The following ZNF626 variants were observed in gnomAD, a reference collection of about 807,000 sequenced individuals.
ZNF626 encodes zinc finger protein 626, also known as CTC-513N18.7.
In ZNF626, 4 loss-of-function variants were observed where a neutral mutation model predicts 11.7. The observed-to-expected ratio is 0.34, with a 90% CI of 0.17 to 0.78. The LOEUF (loss-of-function observed/expected upper bound fraction) is 0.78, where lower values mean the gene tolerates loss of function less well. Among genes scored for constraint, ZNF626 ranks in the 30% least tolerant of loss-of-function variants. ZNF626 has a pLI of 0.57. For synonymous variants in ZNF626, 179 were observed against 198.6 expected, an observed-to-expected ratio of 0.90 and a Z score of 0.83; for missense variants, 588 against 587.1, an observed-to-expected ratio of 1.00 and a Z score of -0.01.
rs909138387 is a variant in ZNF626 at position 20,647,231 on chromosome 19, A to G, written c.4-826T>C. 2.6e-5 allele frequency among the ~76,000 whole-genome samples: 4 copies of G among 152,266 alleles called. 1 individual carries two copies. The South Asian group carries it at 8.3e-4, about 32-fold the overall frequency. On this transcript the variant is annotated intron_variant, in intron 1 of 3. Transcript: ENST00000601440. ...TTTTGTCAAACATTTAGTAAGTGGA[A>G]CAGCCTGTGTTTTTCCCACTTTTTC... is the stretch of plus-strand genomic sequence containing the variant.
At chr19:20,647,781 C>T (rs1005992277) in intron 1 of ZNF626, among the ~76,000 whole-genome samples, 13 of 151,990 alleles carry the variant, frequency 8.6e-5, no homozygotes, top group Admixed American at 2.0e-4. Context: ...CCACTGCGCC[C>T]GGCCTAGGAC....
At chr19:20,626,364 A>T (rs1329020121) in intron 3 of ZNF626, among the ~76,000 whole-genome samples, 1 of 152,240 alleles carries the variant, frequency 6.6e-6, no homozygotes, top group East Asian at 1.9e-4. Flanking sequence ...ATCCCATCAA[A>T]AAGTTATAAA....
chr19:20,633,962 AAG>A (rs1178237549), intron 3 of ZNF626, among the ~76,000 whole-genome samples: 2 of 152,124 alleles, frequency 1.3e-5, no homozygotes, highest in Non-Finnish European at 2.9e-5. Context: ...TTATCAAAAC[AAG>A]AGGAGAAGGG....
intron 1 of ZNF626, among the ~76,000 whole-genome samples, chr19:20,658,127 C>A (rs1970225120): frequency 6.6e-6 from 1 of 152,108 alleles, no homozygotes; most frequent in Admixed American, 6.5e-5. Context: ...AAAAAAAATC[C>A]CTGCGTGGGA....
intron 3 of ZNF626, among the ~76,000 whole-genome samples, chr19:20,643,247 C>T (rs2093406842): frequency 6.6e-6 from 1 of 151,868 alleles, no homozygotes; most frequent in Admixed American, 6.6e-5. Context: ...AACGAAACTG[C>T]TGTATTCTAA....
chr19:20,623,848 C>T lies in ZNF626; in HGVS notation c.*442G>A. The T allele has an allele frequency of 6.6e-6, 2 of 304,422 alleles. No individual in the cohort carries two copies. Among genetic ancestry groups the T allele is most frequent in the South Asian group, 3.3e-5 (1 of 30,628 alleles). 18.9% of individuals were successfully genotyped at this position (304,422 alleles called of 1,614,324 possible). A position where few individuals can be genotyped will look rare whatever the true frequency, so the allele number is the denominator to read the frequency against. ...AACTTGTTATATGCTTTGCCACATT[C>T]TTCACACTTGTAGGGTTTCTTTCCA... is the stretch of plus-strand genomic sequence containing the variant. On this transcript the variant is annotated 3_prime_UTR_variant, in exon 4 of 4. Transcript: ENST00000601440.
chr19:20,653,713 TAA>T (rs1970174221), intron 1 of ZNF626, among the ~76,000 whole-genome samples: 1 of 151,724 alleles, frequency 6.6e-6, no homozygotes, highest in Non-Finnish European at 1.5e-5. Context: ...AAGAATTTTA[TAA>T]AGTTTCATTT....
intron 2 of ZNF626, 128 bp from the exon 3 acceptor site, chr19:20,645,907 A>C: frequency 1.5e-6 from 1 of 673,388 alleles, no homozygotes; most frequent in Non-Finnish European, 2.2e-6. Flanking sequence ...AAGTTGTAAC[A>C]GAAATTTTTA....
intron 3 of ZNF626, among the ~76,000 whole-genome samples, chr19:20,626,512 A>G (rs1049923243): frequency 9.2e-5 from 14 of 152,130 alleles, no homozygotes; most frequent in African/African-American, 2.2e-4. Context: ...TTAGGTGAGA[A>G]TTTGAGACCA....
chr19:20,646,176 A>T (rs1970074932), intron 2 of ZNF626, 103 bp downstream of exon 2: 2 of 1,292,276 alleles, frequency 1.5e-6, no homozygotes, highest in African/African-American at 3.1e-5. Flanking sequence ...GAAAATGGGG[A>T]TCTGAAACTC....
At chr19:20,626,956 T>C (rs1212705589) in intron 3 of ZNF626, among the ~76,000 whole-genome samples, 3 of 151,894 alleles carry the variant, frequency 2.0e-5, no homozygotes, top group Non-Finnish European at 2.9e-5. Context: ...CAGAGGTAGC[T>C]ATGAGCTGAG....
Position 20,624,812 on chromosome 19 carries a change from G to T in ZNF626, c.1065C>A (p.Thr355=), listed in dbSNP as rs1969804116. The change falls in exon 4 of 4, where the codon ACC becomes ACA. Residue 355 remains threonine, a synonymous_variant. Transcript: ENST00000601440. ...TATGAATTCTCTTATGTGTAGTAAG[G>T]GTAGAGGAGTACTTAAAGGCTTTGC... ...ECGKAFKYSS[T]LTTHKRIHTG... is the part of the protein sequence containing the mutation. The T allele has an allele frequency of 6.2e-7, 1 of 1,612,918 alleles. No homozygotes were observed. Among genetic ancestry groups the T allele is most frequent in the South Asian group, 1.1e-5 (1 of 90,996 alleles).
chr19:20,623,037 C>A lies in ZNF626; in HGVS notation c.*1253G>T, dbSNP rs1216401671. On this transcript the variant is annotated 3_prime_UTR_variant, in exon 4 of 4. Coordinates refer to ENST00000601440, the MANE Select transcript of ZNF626 (RefSeq NM_001076675.3). ...GTACAAAATGTGTGTAATAAACCTCCTGTATATTTGTAATGGTTGTCTTCA... is the reference window on the plus strand; with the variant it reads ...GTACAAAATGTGTGTAATAAACCTCATGTATATTTGTAATGGTTGTCTTCA... 6.6e-6 allele frequency: 1 copy of A among 152,050 alleles called. No homozygotes were observed. Among genetic ancestry groups the A allele is most frequent in the Non-Finnish European group, 1.5e-5 (1 of 67,974 alleles). The allele number at this position is 152,050 out of a possible 1,614,324, so 9.4% of individuals were successfully genotyped here. A position where few individuals can be genotyped will look rare whatever the true frequency, so the allele number is the denominator to read the frequency against.
intron 3 of ZNF626, among the ~76,000 whole-genome samples, chr19:20,641,348 T>C (rs191578419): frequency 5.2e-4 from 79 of 152,304 alleles, no homozygotes; most frequent in African/African-American, 1.7e-3. Flanking sequence ...ACATTGAGAA[T>C]ATTATGTCAC....
At chr19:20,630,421 G>T (rs201747466) in intron 3 of ZNF626, among the ~76,000 whole-genome samples, 45,790 of 151,438 alleles carry the variant, frequency 0.3, 7,741 homozygotes, top group African/African-American at 0.44. Flanking sequence ...AACTTTTTTT[G>T]ATTGGTAAGC....
chr19:20,626,364 A>C (rs1329020121), intron 3 of ZNF626, among the ~76,000 whole-genome samples: 1 of 152,240 alleles, frequency 6.6e-6, no homozygotes, highest in Non-Finnish European at 1.5e-5. Context: ...ATCCCATCAA[A>C]AAGTTATAAA....
chr19:20,633,492 G>T (rs969723845), intron 3 of ZNF626, among the ~76,000 whole-genome samples: 12 of 151,472 alleles, frequency 7.9e-5, no homozygotes, highest in Admixed American at 7.9e-4. Context: ...CGGCAATGGT[G>T]GGCGCCCCTC....
chr19:20,641,523 T>G (rs928064118), intron 3 of ZNF626, among the ~76,000 whole-genome samples: 2 of 152,152 alleles, frequency 1.3e-5, no homozygotes, highest in Admixed American at 6.5e-5. Context: ...AGTTTTAGTT[T>G]TGCAAGATGT....
At chr19:20,652,598 G>A (rs2144791249) in intron 1 of ZNF626, among the ~76,000 whole-genome samples, 1 of 152,238 alleles carries the variant, frequency 6.6e-6, no homozygotes, top group East Asian at 1.9e-4. Flanking sequence ...TTAATTTATA[G>A]CTACATGTGG....
Sources: allele counts gnomAD v4.1 joint callset (sites outside exome capture counted in the v4.1 genomes callset), GRCh38; gene constraint gnomAD v4.1.1; transcripts MANE v1.5; gene names NCBI Gene and HGNC (gene_info 2026-07-23, HGNC 2026-07-21).